The following FRMPD4 variants were observed in gnomAD, a reference collection of about 807,000 sequenced individuals.
The protein encoded by FRMPD4 is FERM and PDZ domain containing 4.
In FRMPD4, 22 loss-of-function variants were observed where a neutral mutation model predicts 94.1. That is an observed-to-expected ratio of 0.23 (90% CI 0.17 to 0.33). The LOEUF (loss-of-function observed/expected upper bound fraction) is 0.33, where lower values mean the gene tolerates loss of function less well. Ranked by LOEUF, FRMPD4 falls within the 10% of genes least tolerant of loss-of-function variation. The probability of loss-of-function intolerance (pLI) is 1.00; values close to 1 mark genes in which losing one functional copy is unlikely to be tolerated. For synonymous variants in FRMPD4, 631 were observed against 548.6 expected (o/e 1.15, Z -2.10); for missense variants, 1,111 against 1,339.9 (o/e 0.83, Z 2.67).
At chrX:12,654,519 T>C (rs1046707145) in intron 4 of FRMPD4, among the ~76,000 whole-genome samples, 9 of 112,076 alleles carry the variant, frequency 8.0e-5, no homozygotes, top group African/African-American at 2.9e-4. Context: ...CATTCTCCTA[T>C]AAATGTACTG....
chrX:12,394,981 T>TG (rs1425337857), intron 1 of FRMPD4, among the ~76,000 whole-genome samples: 2 of 112,025 alleles, frequency 1.8e-5, no homozygotes, highest in South Asian at 3.7e-4. Flanking sequence ...AGCGTGTACT[T>TG]GGTTGGCATT....
Position 12,721,472 on chromosome X carries a change from T to A in FRMPD4, c.4903T>A (p.Tyr1635Asn). 1.3e-6 allele frequency: 1 copy of A among 755,640 alleles called. No individual in the cohort carries two copies. Among genetic ancestry groups the A allele is most frequent in the Admixed American group, 8.6e-5 (1 of 11,623 alleles). 62.3% of individuals were successfully genotyped at this position (755,640 alleles called of 1,213,427 possible). A position where few individuals can be genotyped will look rare whatever the true frequency, so the allele number is the denominator to read the frequency against. ...GAGGGAGGAGTCACGCCCTGAAGCG[T>A]ACGACCTTACACTTTCTCAGTACAA... The part of the protein sequence containing the change: ...EKREESRPEA[Y>N]DLTLSQYKQL... Residue 1635 changes from tyrosine to asparagine, a missense_variant, in exon 17 of 17, where the codon TAC becomes AAC. Around this residue, in one of 8 missense-constraint regions of FRMPD4, gnomAD observed 551 missense variants for 591.6 expected, o/e 0.93. Transcript: ENST00000675598.
chrX:12,097,481 C>T (rs35428715), intron 3 of FRMPD4, among the ~76,000 whole-genome samples: 25,764 of 111,482 alleles, frequency 0.23, 2,097 homozygotes, highest in South Asian at 0.41. Flanking sequence ...TATTTACAAA[C>T]TTGTTCAGCC....
intron 1 of FRMPD4, among the ~76,000 whole-genome samples, chrX:12,352,874 C>A (rs780846342): frequency 8.9e-6 from 1 of 112,212 alleles, no homozygotes; most frequent in South Asian, 3.7e-4. Flanking sequence ...TGTGTCTTTG[C>A]TCCTGTTGTT....
In FRMPD4 at chrX:11,877,291, A is replaced by C. The variant is rs1438761935; in HGVS notation, c.-29-604A>C. Among the ~76,000 whole-genome samples, 4 of 112,225 alleles carry C rather than the reference A, an allele frequency of 3.6e-5. No homozygotes were observed. In the East Asian group the frequency reaches 1.1e-3, roughly 31 times the overall value. On this transcript the variant is annotated intron_variant, in intron 2 of 18. Transcript: ENST00000640291. Reference sequence around the variant, plus strand: ...AAGAAAGCCATGGGAGAAGTTAAGCAGCAATTTGAAATCTAGGAGCAATGT... The same window carrying C: ...AAGAAAGCCATGGGAGAAGTTAAGCCGCAATTTGAAATCTAGGAGCAATGT...
intron 1 of FRMPD4, among the ~76,000 whole-genome samples, chrX:12,328,380 A>G (rs183082140): frequency 8.0e-4 from 90 of 112,192 alleles, no homozygotes; most frequent in African/African-American, 2.8e-3. Flanking sequence ...GGAAGATGAC[A>G]GATGACAGAT....
intron 3 of FRMPD4, among the ~76,000 whole-genome samples, chrX:11,935,269 GTTTTTTTTTT>G (rs1234166611): frequency 4.0e-4 from 2 of 5,011 alleles, no homozygotes; most frequent in Non-Finnish European, 6.8e-4. Context: ...TTTTTAATGT[GTTTTTTTTTT>G]TTTTTTTTTT....
At chrX:11,830,021 C>T (rs111464748) in intron 1 of FRMPD4, among the ~76,000 whole-genome samples, 3 of 111,536 alleles carry the variant, frequency 2.7e-5, no homozygotes, top group African/African-American at 9.8e-5. Context: ...TTACTGCTTT[C>T]CCTTATAAAG....
At chrX:12,488,628 AT>A (rs11307370) in intron 1 of FRMPD4, among the ~76,000 whole-genome samples, 46,381 of 108,043 alleles carry the variant, frequency 0.43, 8,333 homozygotes, top group South Asian at 0.6. Context: ...GGAAAATAGA[AT>A]TTTTTTTTTC....
chrX:12,695,241 AAC>A (rs1040044860), intron 9 of FRMPD4, among the ~76,000 whole-genome samples: 11 of 111,935 alleles, frequency 9.8e-5, no homozygotes, highest in Non-Finnish European at 1.5e-4. Flanking sequence ...TCCTCAGTGT[AAC>A]ACATCAAGAG....
chrX:11,858,540 G>A (rs2053666329), intron 1 of FRMPD4, among the ~76,000 whole-genome samples: 1 of 110,845 alleles, frequency 9.0e-6, no homozygotes. Flanking sequence ...ACACACACTG[G>A]GGTCTTTCAG....
At chrX:12,506,839 T>A (rs989796376) in intron 2 of FRMPD4, among the ~76,000 whole-genome samples, 2 of 112,256 alleles carry the variant, frequency 1.8e-5, no homozygotes, top group African/African-American at 6.5e-5. Context: ...TATGAGCACA[T>A]CCTACTAACA....
At chrX:12,399,287 A>T (rs1418190501) in intron 1 of FRMPD4, among the ~76,000 whole-genome samples, 1 of 111,636 alleles carries the variant, frequency 9.0e-6, no homozygotes, top group Non-Finnish European at 1.9e-5. Context: ...CAGCAGTTCG[A>T]TGTAGATGTA....
intron 2 of FRMPD4, among the ~76,000 whole-genome samples, chrX:12,545,170 C>A (rs1203771932): frequency 1.8e-5 from 2 of 112,035 alleles, no homozygotes; most frequent in Non-Finnish European, 3.8e-5. Context: ...CTTGTCCAAC[C>A]CGCCACCCGT....
intron 2 of FRMPD4, chrX:12,583,365 G>A (rs1279951170): frequency 2.5e-5 from 20 of 803,015 alleles, no homozygotes; most frequent in Non-Finnish European, 3.1e-5. Context: ...GCCCCAGGCC[G>A]GCTGAGACGG....
intron 2 of FRMPD4, among the ~76,000 whole-genome samples, chrX:12,540,514 G>T (rs1188664324): frequency 8.9e-6 from 1 of 111,829 alleles, no homozygotes; most frequent in Non-Finnish European, 1.9e-5. Flanking sequence ...TAATGGTAAA[G>T]GGATCAATTC....
At chrX:12,135,403 C>G (rs1422158473), upstream of FRMPD4, among the ~76,000 whole-genome samples, 1 of 109,696 alleles carries the variant, frequency 9.1e-6, no homozygotes, top group Non-Finnish European at 1.9e-5. Flanking sequence ...TATAAACACT[C>G]TGTGTTAGCA....
At chrX:12,664,093 C>T (rs5979705) in intron 4 of FRMPD4, among the ~76,000 whole-genome samples, 2,044 of 111,051 alleles carry the variant, frequency 0.018, 29 homozygotes, top group Non-Finnish European at 0.03. Context: ...CAGCCTAAGA[C>T]GCTTTTGGGC....
chrX:12,059,646 G>A (rs375546598), intron 3 of FRMPD4, among the ~76,000 whole-genome samples: 36 of 107,428 alleles, frequency 3.4e-4, no homozygotes, highest in African/African-American at 1.1e-3. Flanking sequence ...CCCCAGTGTC[G>A]ATTGTTGCCA....
Sources: allele counts gnomAD v4.1 joint callset (sites outside exome capture counted in the v4.1 genomes callset), GRCh38; gene constraint gnomAD v4.1.1; regional missense constraint gnomAD v4.1.1; transcripts MANE v1.5; gene names NCBI Gene and HGNC (gene_info 2026-07-23, HGNC 2026-07-21).